CSMD1: variants seen among roughly 807,000 people sequenced by gnomAD.
The protein encoded by CSMD1 is CUB and Sushi multiple domains 1.
In CSMD1, 213 loss-of-function variants were observed where a neutral mutation model predicts 417.5. The ratio of observed to expected loss-of-function variants is 0.51; its 90% CI spans 0.46 to 0.57. The LOEUF (loss-of-function observed/expected upper bound fraction) is 0.57, where lower values mean the gene tolerates loss of function less well. Ranked by LOEUF, CSMD1 falls within the 20% of genes least tolerant of loss-of-function variation. The pLI, the probability that CSMD1 is intolerant of heterozygous loss-of-function variation, is 0.00. For missense variants in CSMD1, 6,923 were observed against 4,529.7 expected, an observed-to-expected ratio of 1.53 and a Z score of -15.17; for synonymous variants, 2,862 against 1,736.8, an observed-to-expected ratio of 1.65 and a Z score of -16.11.
chr8:4,720,063 G>A (rs1280040553), intron 1 of CSMD1, among the ~76,000 whole-genome samples: 1 of 151,726 alleles, frequency 6.6e-6, no homozygotes, highest in Non-Finnish European at 1.5e-5. Flanking sequence ...CTGTGGTGAG[G>A]CTTTTTCTAA....
intron 1 of CSMD1, among the ~76,000 whole-genome samples, chr8:4,873,726 A>G (rs1802871634): frequency 6.6e-6 from 1 of 152,160 alleles, no homozygotes; most frequent in Non-Finnish European, 1.5e-5. Flanking sequence ...TTTGGCTTCA[A>G]GGAGCTCAAA....
At chr8:3,780,984 CTG>C (rs1799147335) in intron 5 of CSMD1, among the ~76,000 whole-genome samples, 1 of 152,176 alleles carries the variant, frequency 6.6e-6, no homozygotes, top group African/African-American at 2.4e-5. Context: ...CTGAAAATAT[CTG>C]TGACATTTTG....
chr8:4,042,748 G>C (rs913135619), intron 3 of CSMD1, among the ~76,000 whole-genome samples: 1 of 147,562 alleles, frequency 6.8e-6, no homozygotes, highest in Non-Finnish European at 1.5e-5. Context: ...CACAGAGGCT[G>C]GGTAAGAAGA....
chr8:3,906,763 G>C (rs1394068380), intron 5 of CSMD1, among the ~76,000 whole-genome samples: 1 of 151,530 alleles, frequency 6.6e-6, no homozygotes, highest in Admixed American at 6.6e-5. Flanking sequence ...TCCTACAAGA[G>C]GAAAAATGAC....
At chr8:3,386,527 C>G (rs959755074) in intron 18 of CSMD1, among the ~76,000 whole-genome samples, 2 of 152,186 alleles carry the variant, frequency 1.3e-5, no homozygotes, top group Non-Finnish European at 2.9e-5. Flanking sequence ...TTTGAGTGAT[C>G]TGCAGTTAAG....
At chr8:3,941,300 A>G (rs1810866317) in intron 5 of CSMD1, among the ~76,000 whole-genome samples, 1 of 152,170 alleles carries the variant, frequency 6.6e-6, no homozygotes, top group Non-Finnish European at 1.5e-5. Context: ...TATTTTAACC[A>G]GATTCTCTGG....
In CSMD1 at chr8:3,406,213, G is replaced by T; in HGVS notation, c.2080C>A (p.Gln694Lys). The T allele has an allele frequency of 3.1e-6, 5 of 1,598,520 alleles. No individual in the cohort carries two copies. Among genetic ancestry groups the T allele is most frequent in the South Asian group, 2.3e-5 (2 of 88,214 alleles). The change falls in exon 15 of 70, where the codon CAG becomes AAG. Residue 694 changes from glutamine (Q) to lysine (K), a missense_variant. Gln to Lys is a moderately conservative substitution (Grantham distance 53). Coordinates refer to ENST00000635120, the MANE Select transcript of CSMD1 (RefSeq NM_033225.6). ...GFNITYTTFGQNECHDPGIPI... is the reference protein window; with the variant it reads ...GFNITYTTFGKNECHDPGIPI... ...ATGCCAGGATCATGGCACTCATTCT[G>T]ACCAAATGCTGAAAGAAAAAGAAGA...
chr8:4,812,453 G>A (rs764265241), intron 1 of CSMD1, among the ~76,000 whole-genome samples: 1 of 152,070 alleles, frequency 6.6e-6, no homozygotes, highest in African/African-American at 2.4e-5. Context: ...TACTTGAAAC[G>A]TTCCCGACAC....
intron 37 of CSMD1, among the ~76,000 whole-genome samples, chr8:3,171,571 A>C (rs1820586348): frequency 6.6e-6 from 1 of 152,192 alleles, no homozygotes; most frequent in South Asian, 2.1e-4. Flanking sequence ...CTAGTTACTT[A>C]CCATGAAACA....
intron 6 of CSMD1, among the ~76,000 whole-genome samples, chr8:3,732,254 C>G (rs1026849): frequency 2.0e-5 from 3 of 152,062 alleles, no homozygotes; most frequent in Non-Finnish European, 2.9e-5. Flanking sequence ...AGGGCAATTA[C>G]TCGATACAAA....
At chr8:3,028,636 A>G (rs1289940196) in intron 51 of CSMD1, among the ~76,000 whole-genome samples, 23 of 152,196 alleles carry the variant, frequency 1.5e-4, no homozygotes, top group Admixed American at 1.5e-3. Context: ...TAAAATTATT[A>G]TCAAAGACAG....
chr8:3,659,970 A>G lies in CSMD1; in HGVS notation c.1010-43173T>C, dbSNP rs368047690. On this transcript the variant is annotated intron_variant, in intron 7 of 69. Transcript: ENST00000635120. ...TTGCAATAATTTCAAACTTTTAAGAAGAAATCCAACTCACACACTGCTCGT... is the reference window on the plus strand; with the variant it reads ...TTGCAATAATTTCAAACTTTTAAGAGGAAATCCAACTCACACACTGCTCGT... Among the ~76,000 whole-genome samples, 11 of 152,354 alleles carry G rather than the reference A, an allele frequency of 7.2e-5. No individual in the cohort carries two copies. In the East Asian group the frequency reaches 1.2e-3, roughly 16 times the overall value.
At chr8:3,405,965 G>A (rs2116896219) in intron 15 of CSMD1, 62 bp downstream of exon 15, 1 of 1,504,722 alleles carries the variant, frequency 6.6e-7, no homozygotes, top group South Asian at 1.2e-5. Context: ...TGGTTTGTGT[G>A]TGTGCCTGAA....
chr8:3,230,629 T>C (rs987670939), intron 26 of CSMD1, among the ~76,000 whole-genome samples: 1 of 152,072 alleles, frequency 6.6e-6, no homozygotes, highest in Non-Finnish European at 1.5e-5. Flanking sequence ...GAAAACAAAA[T>C]AGGAAGAATT....
intron 3 of CSMD1, among the ~76,000 whole-genome samples, chr8:4,246,297 G>C (rs180745857): frequency 2.0e-5 from 3 of 152,182 alleles, no homozygotes; most frequent in Admixed American, 2.0e-4. Context: ...TCCTGGGTTA[G>C]TTTGCTTAGC....
intron 3 of CSMD1, among the ~76,000 whole-genome samples, chr8:4,038,925 G>C (rs777067777): frequency 6.6e-6 from 1 of 152,096 alleles, no homozygotes; most frequent in Non-Finnish European, 1.5e-5. Flanking sequence ...ACTTAATTTG[G>C]CAAGTACATA....
At chr8:4,284,297 G>A (rs1796942227) in intron 3 of CSMD1, among the ~76,000 whole-genome samples, 1 of 152,104 alleles carries the variant, frequency 6.6e-6, no homozygotes, top group Non-Finnish European at 1.5e-5. Context: ...GAACCCAGGA[G>A]GCGGAGGTTG....
intron 5 of CSMD1, among the ~76,000 whole-genome samples, chr8:3,992,048 C>T (rs1013741709): frequency 1.2e-4 from 18 of 151,826 alleles, no homozygotes; most frequent in African/African-American, 4.3e-4. Context: ...AATAGAGCTA[C>T]AATATCATGT....
At chr8:4,234,573 C>A (rs891671126) in intron 3 of CSMD1, among the ~76,000 whole-genome samples, 1 of 152,130 alleles carries the variant, frequency 6.6e-6, no homozygotes, top group East Asian at 1.9e-4. Flanking sequence ...TACAATTCTG[C>A]GCTGCTTTTT....
Sources: gnomAD v4.1 joint callset for allele counts (sites outside exome capture counted in the v4.1 genomes callset) on GRCh38, gnomAD v4.1.1 for gene constraint, MANE v1.5 for transcripts, NCBI Gene and HGNC (gene_info 2026-07-23, HGNC 2026-07-21) for gene names.